Variants in PCBD2 observed in about 807,000 individuals in gnomAD.
The protein encoded by PCBD2 is pterin-4 alpha-carbinolamine dehydratase 2.
Under a neutral mutation model 16.4 loss-of-function variants are expected in PCBD2, and 12 were observed. The ratio of observed to expected loss-of-function variants is 0.73; its 90% CI spans 0.47 to 1.19. PCBD2 has a LOEUF of 1.19. Among genes scored for constraint, PCBD2 ranks in the 50% most tolerant of loss-of-function variants. The pLI is 0.00. For missense variants in PCBD2, 138 were observed against 156.8 expected, an observed-to-expected ratio of 0.88 and a Z score of 0.64; for synonymous variants, 58 against 61.8, an observed-to-expected ratio of 0.94 and a Z score of 0.29.
intron 1 of PCBD2, among the ~76,000 whole-genome samples, chr5:134,907,712 A>G (rs1390381898): frequency 7.0e-6 from 1 of 142,088 alleles, no homozygotes; most frequent in Non-Finnish European, 1.5e-5. Context: ...AACCTCTATC[A>G]TCCGGGTTCA....
In PCBD2 at chr5:134,910,988, A is replaced by T. The variant is rs180864052; in HGVS notation, c.216+522A>T. The stretch of plus-strand genomic sequence containing the variant: ...TTGTTTGGAGAGGCAGGGTCTGGCT[A>T]TGTTGCCCAGACTGGTCTCAAATTC... On this transcript the variant is annotated intron_variant, in intron 2 of 3. Coordinates refer to ENST00000254908, the MANE Select transcript of PCBD2 (RefSeq NM_032151.5). Among the ~76,000 whole-genome samples, 442 of 152,178 alleles carry T rather than the reference A, an allele frequency of 2.9e-3. 14 individuals are homozygous for T. The highest frequency in any genetic ancestry group is 7.2e-4 in the Non-Finnish European group (49 of 68,002).
At chr5:134,928,206 A>G (rs1325477864) in intron 2 of PCBD2, 2 of 389,322 alleles carry the variant, frequency 5.1e-6, no homozygotes, top group Non-Finnish European at 9.1e-6. Flanking sequence ...GCTATAATGA[A>G]TAGTGATAGT....
At chr5:134,907,228 T>C (rs577655098) in intron 1 of PCBD2, among the ~76,000 whole-genome samples, 3 of 152,370 alleles carry the variant, frequency 2.0e-5, no homozygotes, top group East Asian at 3.9e-4. Flanking sequence ...AAAATAAGTG[T>C]TTAATAAGAA....
chr5:134,948,871 C>T (rs1751329173), intron 2 of PCBD2, among the ~76,000 whole-genome samples: 1 of 152,170 alleles, frequency 6.6e-6, no homozygotes, highest in Non-Finnish European at 1.5e-5. Context: ...AAGGGGGACT[C>T]ATTTCGTCTG....
chr5:134,920,870 T>C (rs557790074), intron 2 of PCBD2, among the ~76,000 whole-genome samples: 1 of 152,390 alleles, frequency 6.6e-6, no homozygotes, highest in South Asian at 2.1e-4. Flanking sequence ...ATGGCCAACA[T>C]GGCCAGGCTG....
chr5:134,928,541 GA>G (rs1157977922), intron 2 of PCBD2: 2 of 272,934 alleles, frequency 7.3e-6, no homozygotes, highest in Non-Finnish European at 1.4e-5. Flanking sequence ...AGGGTATTAA[GA>G]ATGACTTCCA....
At chr5:134,913,721 C>G (rs1351005327) in intron 2 of PCBD2, among the ~76,000 whole-genome samples, 1 of 152,134 alleles carries the variant, frequency 6.6e-6, no homozygotes, top group Non-Finnish European at 1.5e-5. Flanking sequence ...TTGCAGATGT[C>G]TAGACCGGGG....
At chr5:134,931,876 A>G (rs1462979857) in intron 2 of PCBD2, among the ~76,000 whole-genome samples, 1 of 152,246 alleles carries the variant, frequency 6.6e-6, no homozygotes, top group Non-Finnish European at 1.5e-5. Flanking sequence ...AGCTACTGAA[A>G]GGAATTTGAC....
At chr5:134,953,069 T>A (rs866489389) in intron 2 of PCBD2, among the ~76,000 whole-genome samples, 2 of 152,018 alleles carry the variant, frequency 1.3e-5, no homozygotes, top group African/African-American at 4.8e-5. Context: ...GCTTTTATTT[T>A]TAATGATTGA....
chr5:134,956,710 A>G (rs541478496), intron 2 of PCBD2, among the ~76,000 whole-genome samples: 13 of 152,184 alleles, frequency 8.5e-5, no homozygotes, highest in Non-Finnish European at 1.5e-4. Context: ...AACTGGAAAA[A>G]GGAAAGAGCC....
chr5:134,924,606 G>A (rs1750960975), intron 2 of PCBD2: 1 of 398,732 alleles, frequency 2.5e-6, no homozygotes, highest in Non-Finnish European at 4.4e-6. Flanking sequence ...AACATTGTTT[G>A]TTGGTGTGTA....
chr5:134,926,577 T>C (rs1183326203), intron 2 of PCBD2: 4 of 395,966 alleles, frequency 1.0e-5, no homozygotes, highest in Non-Finnish European at 1.8e-5. Context: ...TAGCAGTTCT[T>C]ATGCGCTTTC....
At chr5:134,933,858 C>T (rs1466383784) in intron 2 of PCBD2, among the ~76,000 whole-genome samples, 1 of 152,196 alleles carries the variant, frequency 6.6e-6, no homozygotes, top group East Asian at 1.9e-4. Flanking sequence ...TCAAGCCCTT[C>T]AAGTTACTTG....
At chr5:134,928,062 A>G (rs1431773483) in intron 2 of PCBD2, 2 of 394,338 alleles carry the variant, frequency 5.1e-6, no homozygotes, top group Non-Finnish European at 9.0e-6. Context: ...TTATGTACGT[A>G]GTCTAGGCCA....
At chr5:134,957,200 C>T (rs563170896) in intron 2 of PCBD2, among the ~76,000 whole-genome samples, 13 of 152,162 alleles carry the variant, frequency 8.5e-5, no homozygotes, top group African/African-American at 2.2e-4. Flanking sequence ...CAAAGGCTGC[C>T]GTGAGCCAAG....
At chr5:134,925,552 G>C in intron 2 of PCBD2, 1 of 398,320 alleles carries the variant, frequency 2.5e-6, no homozygotes, top group Non-Finnish European at 4.4e-6. Context: ...AGTGGAGAAG[G>C]CCACGATTTT....
intron 2 of PCBD2, among the ~76,000 whole-genome samples, chr5:134,942,624 TAA>T (rs1425392903): frequency 6.6e-6 from 1 of 152,072 alleles, no homozygotes; most frequent in East Asian, 1.9e-4. Flanking sequence ...ATGATGAAAA[TAA>T]AAAAGTAATT....
chr5:134,908,981 C>A (rs1036539372), intron 1 of PCBD2: 4 of 152,198 alleles, frequency 2.6e-5, no homozygotes, highest in Admixed American at 6.5e-5. Flanking sequence ...CTCACCTGAG[C>A]CTACAGTAAC....
chr5:134,909,411 A>C (rs1750738129), intron 1 of PCBD2, among the ~76,000 whole-genome samples: 1 of 152,246 alleles, frequency 6.6e-6, no homozygotes, highest in Non-Finnish European at 1.5e-5. Flanking sequence ...ATTGGTTTTC[A>C]TTAGATGTGA....
Sources: allele counts gnomAD v4.1 joint callset (sites outside exome capture counted in the v4.1 genomes callset), GRCh38; gene constraint gnomAD v4.1.1; transcripts MANE v1.5; gene names NCBI Gene and HGNC (gene_info 2026-07-23, HGNC 2026-07-21).